Variants in DPP6 observed in about 807,000 individuals in gnomAD.
The protein encoded by DPP6 is dipeptidyl peptidase like 6, also known as A-type potassium channel modulatory protein DPP6.
A neutral mutation model predicts 122.6 loss-of-function variants in DPP6; 69 were observed. The observed-to-expected ratio is 0.56, with a 90% CI of 0.46 to 0.69. The LOEUF is 0.69. Among genes scored for constraint, DPP6 ranks in the 30% least tolerant of loss-of-function variants. DPP6 has a pLI of 0.00. For synonymous variants in DPP6, 418 were observed against 433.1 expected (o/e 0.97, Z 0.43); for missense variants, 928 against 1,116.9 (o/e 0.83, Z 2.41).
intron 17 of DPP6, among the ~76,000 whole-genome samples, chr7:154,854,395 G>A (rs917846663): frequency 2.0e-5 from 3 of 152,228 alleles, no homozygotes; most frequent in African/African-American, 2.4e-5. Flanking sequence ...TATAGCCAGT[G>A]ACCAGAGAAA....
At chr7:154,431,204 A>G (rs7810012) in intron 1 of DPP6, among the ~76,000 whole-genome samples, 17,889 of 152,132 alleles carry the variant, frequency 0.12, 1,567 homozygotes, top group African/African-American at 0.25. Context: ...ACAGGCCACC[A>G]GGGGGAAGCG....
intron 6 of DPP6, among the ~76,000 whole-genome samples, chr7:154,651,807 G>A (rs1836894152): frequency 6.6e-6 from 1 of 152,156 alleles, no homozygotes; most frequent in Non-Finnish European, 1.5e-5. Context: ...ATCACCCCTT[G>A]GGGCTTCCTC....
chr7:154,671,097 G>GA (rs886731202), intron 7 of DPP6, among the ~76,000 whole-genome samples: 13 of 152,038 alleles, frequency 8.6e-5, no homozygotes, highest in East Asian at 1.9e-4. Context: ...CTTACACAGG[G>GA]AAAAAAATGC....
the DPP6 span, among the ~76,000 whole-genome samples, chr7:153,804,286 G>A: frequency 7.9e-4 from 120 of 151,878 alleles, no homozygotes; most frequent in African/African-American, 1.8e-3. Flanking sequence ...TCCTGACCTC[G>A]GGTGATCCAC....
At chr7:154,539,409 A>C (rs1054313675) in intron 3 of DPP6, among the ~76,000 whole-genome samples, 3 of 151,974 alleles carry the variant, frequency 2.0e-5, no homozygotes, top group African/African-American at 4.8e-5. Flanking sequence ...GCATGTTCTC[A>C]CTCATAGGTG....
Position 154,129,552 on chromosome 7 carries a change from C to T in DPP6, c.243+76489C>T, listed in dbSNP as rs545566430. On this transcript the variant is annotated intron_variant, in intron 1 of 25. Coordinates refer to ENST00000377770, the MANE Select transcript of DPP6 (RefSeq NM_130797.4). ...CTGAGATAGGCGGATTGCTTCAGCCCAGGCGTTTGAGACCAGCCTAGCCAA... is the reference window on the plus strand; with the variant it reads ...CTGAGATAGGCGGATTGCTTCAGCCTAGGCGTTTGAGACCAGCCTAGCCAA... Among the ~76,000 whole-genome samples, 8 of 152,302 alleles carry T rather than the reference C, an allele frequency of 5.3e-5. No individual in the cohort carries two copies. In the South Asian group the frequency reaches 1.0e-3, roughly 20 times the overall value.
chr7:154,273,555 G>A (rs1020801944), intron 1 of DPP6, among the ~76,000 whole-genome samples: 20 of 151,872 alleles, frequency 1.3e-4, no homozygotes, highest in African/African-American at 4.9e-4. Flanking sequence ...TATTTTCTGT[G>A]TAACAATGCA....
chr7:154,456,447 T>C (rs371664061), intron 2 of DPP6, among the ~76,000 whole-genome samples: 2 of 152,180 alleles, frequency 1.3e-5, no homozygotes, highest in East Asian at 3.9e-4. Context: ...TCTTCATGTC[T>C]TTCTTTTTCA....
chr7:153,973,717 G>C (rs1796149384), intron 1 of DPP6, among the ~76,000 whole-genome samples: 1 of 150,764 alleles, frequency 6.6e-6, no homozygotes, highest in African/African-American at 2.5e-5. Context: ...TATTGCTCCA[G>C]AGAGAGCGCT....
chr7:154,131,345 C>A (rs1795272966), intron 1 of DPP6, among the ~76,000 whole-genome samples: 1 of 152,180 alleles, frequency 6.6e-6, no homozygotes, highest in Admixed American at 6.5e-5. Flanking sequence ...TGATAACATG[C>A]TGGACCCGTG....
At chr7:154,661,707 C>T (rs1453363745) in intron 6 of DPP6, among the ~76,000 whole-genome samples, 1 of 138,994 alleles carries the variant, frequency 7.2e-6, no homozygotes, top group Non-Finnish European at 1.5e-5. Flanking sequence ...TGGTGAATCA[C>T]CATGGCATAT....
At position 154,795,833 on chromosome 7, in the gene DPP6, A is replaced by G. The variant is rs954405958; in HGVS notation, c.1261-12A>G. On this transcript the variant is annotated splice_polypyrimidine_tract_variant and intron_variant, in intron 11 of 25. Coordinates refer to ENST00000377770, the MANE Select transcript of DPP6 (RefSeq NM_130797.4). ...AAAAACCCTCTTGTCTAATGCTCTC[A>G]TTTCATTTCAGAAACACGAGGATGA... 5.0e-6 allele frequency: 8 copies of G among 1,609,800 alleles called. No individual in the cohort carries two copies. The highest frequency in any genetic ancestry group is 6.8e-6 in the Non-Finnish European group (8 of 1,178,288).
chr7:154,703,248 A>G (rs961612755), intron 7 of DPP6, among the ~76,000 whole-genome samples: 3 of 152,254 alleles, frequency 2.0e-5, no homozygotes, highest in African/African-American at 7.2e-5. Context: ...TGTTGTTTCT[A>G]TGCCTGCCCA....
chr7:154,451,800 T>C (rs1820403278), intron 2 of DPP6, among the ~76,000 whole-genome samples: 1 of 152,372 alleles, frequency 6.6e-6, no homozygotes, highest in Non-Finnish European at 1.5e-5. Context: ...TGAGCCTTGC[T>C]TCACCTTTTG....
chr7:154,620,343 C>T lies in DPP6; in HGVS notation c.628-17478C>T, dbSNP rs185741388. Among the ~76,000 whole-genome samples, 51 of 152,306 alleles carry T rather than the reference C, an allele frequency of 3.3e-4. No individual in the cohort carries two copies. The East Asian group carries it at 6.7e-3, about 20-fold the overall frequency. ...TAATGTCAGTTTCATCGTAATCATA[C>T]GGCTTCCGAATGCCACACATTAAAA... On this transcript the variant is annotated intron_variant, in intron 5 of 25. Transcript: ENST00000377770.
chr7:154,682,843 A>C (rs1357527830), intron 7 of DPP6, among the ~76,000 whole-genome samples: 1 of 152,226 alleles, frequency 6.6e-6, no homozygotes, highest in Non-Finnish European at 1.5e-5. Context: ...TGGGGAACAC[A>C]GTGCCTTACT....
intron 5 of DPP6, among the ~76,000 whole-genome samples, chr7:154,574,234 G>GGC (rs1831307030): frequency 6.7e-6 from 1 of 149,098 alleles, no homozygotes; most frequent in South Asian, 2.2e-4. Context: ...GCGTGTGTGT[G>GGC]GTGTGGTGTG....
At chr7:154,473,134 A>G (rs911873225) in intron 2 of DPP6, among the ~76,000 whole-genome samples, 60 of 152,342 alleles carry the variant, frequency 3.9e-4, no homozygotes, top group African/African-American at 1.4e-3. Flanking sequence ...TTATTTTCTG[A>G]CCACGTACTT....
chr7:153,755,564 C>T, the DPP6 span, among the ~76,000 whole-genome samples: 1 of 151,800 alleles, frequency 6.6e-6, no homozygotes, highest in Non-Finnish European at 1.5e-5. Flanking sequence ...TGCCAAAATA[C>T]CTCCTGTCTC....
Sources: allele counts gnomAD v4.1 joint callset (sites outside exome capture counted in the v4.1 genomes callset), GRCh38; gene constraint gnomAD v4.1.1; transcripts MANE v1.5; gene names NCBI Gene and HGNC (gene_info 2026-07-23, HGNC 2026-07-21).